The following BAZ2A variants were observed in gnomAD, a reference collection of about 807,000 sequenced individuals.
BAZ2A encodes the protein bromodomain adjacent to zinc finger domain 2A.
In BAZ2A, 34 loss-of-function variants were observed where a neutral mutation model predicts 199.9. That is an observed-to-expected ratio of 0.17 (90% confidence interval 0.13 to 0.23). The LOEUF is 0.23. Among genes scored for constraint, BAZ2A ranks in the 10% least tolerant of loss-of-function variants. BAZ2A has a pLI of 1.00. For synonymous variants in BAZ2A, 857 were observed against 883.9 expected, an observed-to-expected ratio of 0.97 and a Z score of 0.54; for missense variants, 2,002 against 2,391.1, an observed-to-expected ratio of 0.84 and a Z score of 3.39.
intron 16 of BAZ2A, 91 bp downstream of exon 16, chr12:56,604,126 A>T (rs891943495): frequency 7.9e-7 from 1 of 1,265,754 alleles, no homozygotes; most frequent in Non-Finnish European, 1.1e-6. Flanking sequence ...GGAAGGGGCT[A>T]AAGCATCACA....
Position 56,611,772 on chromosome 12 carries a change from C to G in BAZ2A, c.1609+1G>C, listed in dbSNP as rs529970091. On this transcript the variant is annotated splice_donor_variant, in intron 6 of 28. Coordinates refer to ENST00000549884, the MANE Select transcript of BAZ2A (RefSeq NM_001300905.2). LOFTEE classifies it high-confidence loss of function. ...GGATAGAATAGAATCTGGATACTCACCACTACCAGAAGCAGTGAGTCCTTC... is the reference window on the plus strand; with the variant it reads ...GGATAGAATAGAATCTGGATACTCAGCACTACCAGAAGCAGTGAGTCCTTC... 6.5e-7 allele frequency: 1 copy of G among 1,528,110 alleles called. No homozygotes were observed. Among genetic ancestry groups the G allele is most frequent in the South Asian group, 1.3e-5 (1 of 76,000 alleles). 94.7% of individuals were successfully genotyped at this position (1,528,110 alleles called of 1,614,324 possible).
In BAZ2A at chr12:56,614,155, G is replaced by A. The variant is rs1321805189; in HGVS notation, c.731-17C>T. On this transcript the variant is annotated splice_polypyrimidine_tract_variant and intron_variant, in intron 3 of 28. Transcript: ENST00000549884. The stretch of plus-strand genomic sequence containing the variant: ...TCTTCAGTTCTAGGAAATCACAGGA[G>A]AGACCAAAAGTCAAAATCAGTGCCT... 1.2e-6 allele frequency: 2 copies of A among 1,608,442 alleles called. No homozygotes were observed. The highest frequency in any genetic ancestry group is 4.5e-5 in the East Asian group (2 of 44,722).
rs760528100 is a variant in BAZ2A at position 56,600,809 on chromosome 12, G to A, written c.4474C>T (p.Leu1492=). 1 of 1,613,902 alleles carries A rather than the reference G, an allele frequency of 6.2e-7. No homozygotes were observed. Among genetic ancestry groups the A allele is most frequent in the Non-Finnish European group, 8.5e-7 (1 of 1,179,862 alleles). Residue 1492 remains leucine (L), a synonymous_variant, in exon 23 of 29, where the codon CTA becomes TTA. Transcript: ENST00000549884. The part of the protein sequence containing the change: ...SADPIFEPRQ[L]PAFQEGIMSW... ...ATAATCCCTTCTTGAAAGGCAGGTA[G>A]TTGCCTGGGCTCAAAGATGGGGTCT...
At chr12:56,617,120 A>G (rs1048448024) in intron 2 of BAZ2A, among the ~76,000 whole-genome samples, 1 of 152,014 alleles carries the variant, frequency 6.6e-6, no homozygotes, top group African/African-American at 2.4e-5. Flanking sequence ...TATCTCTCTC[A>G]TGGGTTATCA....
chr12:56,630,712 T>C (rs1951285295), upstream of BAZ2A: 1 of 911,242 alleles, frequency 1.1e-6, no homozygotes, highest in Non-Finnish European at 1.3e-6. Flanking sequence ...AATAGAAAGG[T>C]TAGTCACTCA....
chr12:56,606,326 G>T lies in BAZ2A; in HGVS notation c.2194-14C>A. On this transcript the variant is annotated splice_polypyrimidine_tract_variant and intron_variant, in intron 11 of 28. Transcript: ENST00000549884. ...CTTATTTCTGGCCTGTAAACCATAA[G>T]GGAAGTCATTTCTCCTCAAACTCTG... The T allele has an allele frequency of 6.2e-7, 1 of 1,613,788 alleles. No homozygotes were observed.
chr12:56,617,279 G>T, intron 2 of BAZ2A, 116 bp downstream of exon 2: 1 of 1,198,822 alleles, frequency 8.3e-7, no homozygotes, highest in Non-Finnish European at 1.1e-6. Context: ...CCTAGAACTT[G>T]TTCTTAGAAG....
upstream of BAZ2A, among the ~76,000 whole-genome samples, chr12:56,637,401 A>C (rs2137536689): frequency 6.6e-6 from 1 of 152,318 alleles, no homozygotes; most frequent in Non-Finnish European, 1.5e-5. Flanking sequence ...TTCCCTTGTA[A>C]GATTATCTTT....
intron 14 of BAZ2A, 69 bp from the exon 15 acceptor site, chr12:56,604,868 G>A: frequency 1.3e-6 from 2 of 1,518,070 alleles, no homozygotes; most frequent in Non-Finnish European, 1.8e-6. Flanking sequence ...GAATGTGCAA[G>A]AGGAAAATAC....
intron 10 of BAZ2A, among the ~76,000 whole-genome samples, chr12:56,607,839 G>A (rs993742732): frequency 1.3e-5 from 2 of 152,102 alleles, no homozygotes; most frequent in Non-Finnish European, 1.5e-5. Flanking sequence ...CCAGCACTTT[G>A]GGAGGCTGAA....
At chr12:56,622,031 T>C (rs1245181115) in intron 1 of BAZ2A, among the ~76,000 whole-genome samples, 1 of 151,844 alleles carries the variant, frequency 6.6e-6, no homozygotes, top group Non-Finnish European at 1.5e-5. Flanking sequence ...AAAGACTGTG[T>C]AGTTTTCAAA....
Position 56,610,157 on chromosome 12 carries a change from C to A in BAZ2A, c.1838G>T (p.Arg613Leu). The A allele has an allele frequency of 7.4e-6, 12 of 1,613,906 alleles. No homozygotes were observed. The highest frequency in any genetic ancestry group is 1.0e-5 in the Non-Finnish European group (12 of 1,179,866). The change falls in exon 9 of 29, where the codon CGT (arginine) becomes CTT (leucine). Residue 613 changes from arginine to leucine, a missense_variant. By Grantham distance (102) the Arg-to-Leu change is moderately radical. This residue lies in a region of BAZ2A where 74 missense variants were observed against 126.1 expected (regional missense o/e 0.59). Transcript: ENST00000549884. ...VRREHFSFSP[R>L]MPVGDFFEER... is the part of the protein sequence containing the mutation. Reference sequence around the variant, plus strand: ...TTCAAAGAAATCTCCAACAGGCATACGGGGACTGAAGCTGAAGTGCTCTCG... The same window carrying A: ...TTCAAAGAAATCTCCAACAGGCATAAGGGGACTGAAGCTGAAGTGCTCTCG...
rs780126718 is a variant in BAZ2A, at chr12:56,604,764, G to C, written c.2784C>G (p.Ile928Met). Residue 928 changes from isoleucine (I) to methionine (M), a missense_variant, in exon 15 of 29, where the codon ATC (isoleucine) becomes ATG (methionine). Ile to Met is a conservative substitution (Grantham distance 10, BLOSUM62 1). Transcript: ENST00000549884. Reference sequence around the variant, plus strand: ...CTGACACATTGTCTCTTGTCAGTGGGATCTCAGACACCTTCTCCCCCAAGA... The same window carrying C: ...CTGACACATTGTCTCTTGTCAGTGGCATCTCAGACACCTTCTCCCCCAAGA... ...LKILGEKVSE[I>M]PLTRDNVSEI... 3 of 1,613,754 alleles carry C rather than the reference G, an allele frequency of 1.9e-6. No homozygotes were observed. The highest frequency in any genetic ancestry group is 2.5e-6 in the Non-Finnish European group (3 of 1,179,888).
At chr12:56,621,870 T>G (rs1035339831) in intron 1 of BAZ2A, among the ~76,000 whole-genome samples, 1 of 152,028 alleles carries the variant, frequency 6.6e-6, no homozygotes, top group Non-Finnish European at 1.5e-5. Context: ...TAAATTTTTT[T>G]GTAGACACAG....
chr12:56,601,111 G>C lies in BAZ2A; in HGVS notation c.4295-13C>G. 1 of 1,613,750 alleles carries C rather than the reference G, an allele frequency of 6.2e-7. No individual in the cohort carries two copies. Among genetic ancestry groups the C allele is most frequent in the South Asian group, 1.1e-5 (1 of 91,042 alleles). Reference sequence around the variant, plus strand: ...CCTGAGCACATCTCTGTGAGCAGATGAGATATATGTGGGGCGCCAGCTGTG... The same window carrying C: ...CCTGAGCACATCTCTGTGAGCAGATCAGATATATGTGGGGCGCCAGCTGTG... On this transcript the variant is annotated splice_polypyrimidine_tract_variant and intron_variant, in intron 21 of 28. Coordinates refer to ENST00000549884, the MANE Select transcript of BAZ2A (RefSeq NM_001300905.2).
intron 22 of BAZ2A, 28 bp from the exon 23 acceptor site, chr12:56,600,860 G>A: frequency 6.2e-7 from 1 of 1,612,094 alleles, no homozygotes; most frequent in East Asian, 2.2e-5. Context: ...AGAGGGAGAG[G>A]CCCATCAGGC....
chr12:56,623,907 G>A (rs1345110470), intron 1 of BAZ2A, among the ~76,000 whole-genome samples: 1 of 152,018 alleles, frequency 6.6e-6, no homozygotes, highest in Non-Finnish European at 1.5e-5. Flanking sequence ...TGCAAATGAG[G>A]ACGCTTTGGC....
chr12:56,631,674 C>G (rs1297622635), upstream of BAZ2A, among the ~76,000 whole-genome samples: 1 of 152,142 alleles, frequency 6.6e-6, no homozygotes, highest in Non-Finnish European at 1.5e-5. Flanking sequence ...GTTGCCTAAA[C>G]TGTGCAAAGC....
At position 56,602,205 on chromosome 12, in the gene BAZ2A, G is replaced by A. The variant is rs1012305265; in HGVS notation, c.3425-13C>T. The A allele has an allele frequency of 6.4e-7, 1 of 1,556,744 alleles. No individual in the cohort carries two copies. The highest frequency in any genetic ancestry group is 1.2e-5 in the South Asian group (1 of 84,884). Reference sequence around the variant, plus strand: ...ACCTCCTCAGGAACTGTAAAGAGAAGTAAAGAGTTAAGCCATATGCTGACA... The same window carrying A: ...ACCTCCTCAGGAACTGTAAAGAGAAATAAAGAGTTAAGCCATATGCTGACA... On this transcript the variant is annotated splice_polypyrimidine_tract_variant and intron_variant, in intron 19 of 28. Transcript: ENST00000549884.
Sources: allele counts gnomAD v4.1 joint callset (sites outside exome capture counted in the v4.1 genomes callset), GRCh38; gene constraint gnomAD v4.1.1; regional missense constraint gnomAD v4.1.1; transcripts MANE v1.5; gene names NCBI Gene and HGNC (gene_info 2026-07-23, HGNC 2026-07-21).